MYO1E: variants seen among roughly 807,000 people sequenced by gnomAD.
The protein encoded by MYO1E is myosin IE, also known as unconventional myosin-Ie.
MYO1E carries 68 observed loss-of-function variants against 151.1 expected under a neutral mutation model. That is an observed-to-expected ratio of 0.45 (90% CI 0.37 to 0.55). MYO1E has a LOEUF of 0.55. Ranked by LOEUF, MYO1E falls within the 20% of genes least tolerant of loss-of-function variation. The probability of loss-of-function intolerance (pLI) is 0.00; values close to 1 mark genes in which losing one functional copy is unlikely to be tolerated. For missense variants in MYO1E, 1,363 were observed against 1,389.3 expected, an observed-to-expected ratio of 0.98 and a Z score of 0.30; for synonymous variants, 601 against 501.7, an observed-to-expected ratio of 1.20 and a Z score of -2.64.
intron 1 of MYO1E, among the ~76,000 whole-genome samples, chr15:59,338,927 T>C (rs1161332270): frequency 1.3e-5 from 2 of 151,570 alleles, no homozygotes; most frequent in African/African-American, 4.9e-5. Flanking sequence ...AGGCCAGGAG[T>C]TCAAAACCAG....
In MYO1E at chr15:59,137,077, A is replaced by G; in HGVS notation, c.*303T>C. 2.3e-6 allele frequency: 1 copy of G among 433,868 alleles called. No individual in the cohort carries two copies. The highest frequency in any genetic ancestry group is 2.2e-5 in the South Asian group (1 of 45,754). 26.9% of individuals were successfully genotyped at this position (433,868 alleles called of 1,614,324 possible). A position where few individuals can be genotyped will look rare whatever the true frequency, so the allele number is the denominator to read the frequency against. On this transcript the variant is annotated 3_prime_UTR_variant, in exon 28 of 28. Transcript: ENST00000288235. ...GGTGCTGTTTTGATAGAAGCCTACA[A>G]GGTCTGAGCAGACCTCACTTGTCCT...
chr15:59,165,434 T>G (rs1486342222), intron 22 of MYO1E, among the ~76,000 whole-genome samples: 1 of 152,218 alleles, frequency 6.6e-6, no homozygotes, highest in Non-Finnish European at 1.5e-5. Flanking sequence ...GGTGGAACAC[T>G]TGGTCATTAT....
intron 16 of MYO1E, 37 bp downstream of exon 16, chr15:59,202,289 T>TTA: frequency 6.3e-7 from 1 of 1,580,468 alleles, no homozygotes; most frequent in Non-Finnish European, 8.7e-7. Context: ...GCGCTAGCCC[T>TTA]TATAAGAATC....
At chr15:59,282,724 T>C (rs981596990) in intron 1 of MYO1E, among the ~76,000 whole-genome samples, 3 of 150,166 alleles carry the variant, frequency 2.0e-5, no homozygotes, top group Non-Finnish European at 4.4e-5. Context: ...CACATGCCTG[T>C]GGTCCAGGCT....
At chr15:59,275,094 T>C (rs1189320962) in intron 1 of MYO1E, among the ~76,000 whole-genome samples, 1 of 152,174 alleles carries the variant, frequency 6.6e-6, no homozygotes, top group Non-Finnish European at 1.5e-5. Context: ...GACTAGTAAG[T>C]AGCAAAAGCC....
chr15:59,242,889 A>G (rs1277815241), intron 4 of MYO1E, among the ~76,000 whole-genome samples: 4 of 152,194 alleles, frequency 2.6e-5, no homozygotes, highest in Non-Finnish European at 5.9e-5. Flanking sequence ...ATCCCACAAA[A>G]TTTAATGCCT....
chr15:59,318,616 G>C (rs1380476164), intron 1 of MYO1E, among the ~76,000 whole-genome samples: 2 of 152,170 alleles, frequency 1.3e-5, no homozygotes, highest in African/African-American at 4.8e-5. Flanking sequence ...TTACAAAAGA[G>C]GAAGATGTTT....
At chr15:59,299,818 G>A (rs1300785938) in intron 1 of MYO1E, among the ~76,000 whole-genome samples, 1 of 152,120 alleles carries the variant, frequency 6.6e-6, no homozygotes, top group Non-Finnish European at 1.5e-5. Context: ...AAATTCTGAC[G>A]ATAATTAGCT....
chr15:59,156,191 T>G (rs1351989027), intron 25 of MYO1E, among the ~76,000 whole-genome samples: 1 of 152,102 alleles, frequency 6.6e-6, no homozygotes, highest in African/African-American at 2.4e-5. Flanking sequence ...ATTTTATTAT[T>G]TATTTATTTT....
At chr15:59,141,651 A>G (rs1158126121) in intron 26 of MYO1E, among the ~76,000 whole-genome samples, 2 of 152,138 alleles carry the variant, frequency 1.3e-5, no homozygotes, top group African/African-American at 4.8e-5. Flanking sequence ...TACAGACGGT[A>G]GCTGGGCGTG....
At chr15:59,372,059 C>T (rs1174262810) in intron 1 of MYO1E, among the ~76,000 whole-genome samples, 1 of 149,298 alleles carries the variant, frequency 6.7e-6, no homozygotes, top group Non-Finnish European at 1.5e-5. Flanking sequence ...CGAGGGTGCC[C>T]GGGGCGGGGC....
intron 25 of MYO1E, among the ~76,000 whole-genome samples, chr15:59,156,958 C>CA (rs2079512792): frequency 6.6e-6 from 1 of 152,008 alleles, no homozygotes; most frequent in African/African-American, 2.4e-5. Flanking sequence ...TGCAGTGGCT[C>CA]ACACTTTCAA....
chr15:59,219,617 T>C (rs1169057667), intron 9 of MYO1E, among the ~76,000 whole-genome samples: 3 of 152,222 alleles, frequency 2.0e-5, no homozygotes, highest in African/African-American at 7.2e-5. Flanking sequence ...TTCACAAAAA[T>C]GCTTTGAGCA....
rs1415797933 is a variant in MYO1E, at chr15:59,198,590, C to A, written c.1699-3023G>T. On this transcript the variant is annotated intron_variant, in intron 16 of 27. Coordinates refer to ENST00000288235, the MANE Select transcript of MYO1E (RefSeq NM_004998.4). ...CAGCACTTCGGGAGGCTGAGGCAGG[C>A]GGATCAATTGAAGTCAGGAGTTCGA... Among the ~76,000 whole-genome samples, 6 of 152,046 alleles carry A rather than the reference C, an allele frequency of 3.9e-5. No individual in the cohort carries two copies. The East Asian group carries it at 5.8e-4, about 15-fold the overall frequency.
Position 59,137,410 on chromosome 15 carries a change from C to G in MYO1E, c.3297G>C (p.Leu1099=), listed in dbSNP as rs753237022. Residue 1099 remains leucine, a synonymous_variant, in exon 28 of 28, where the codon CTG becomes CTC. Coordinates refer to ENST00000288235, the MANE Select transcript of MYO1E (RefSeq NM_004998.4). ...TCTTGGTCACATAGTTGTTGGGGAACAGGCCCTGCTTGCCTCGTAGTCGAC... is the reference window on the plus strand; with the variant it reads ...TCTTGGTCACATAGTTGTTGGGGAAGAGGCCCTGCTTGCCTCGTAGTCGAC... ...WTGRLRGKQG[L]FPNNYVTKI is the part of the protein sequence containing the mutation. The G allele has an allele frequency of 1.2e-6, 2 of 1,614,076 alleles. No homozygotes were observed. Among genetic ancestry groups the G allele is most frequent in the Non-Finnish European group, 8.5e-7 (1 of 1,180,042 alleles).
intron 4 of MYO1E, among the ~76,000 whole-genome samples, chr15:59,242,310 CTG>C (rs1483686974): frequency 6.6e-6 from 1 of 152,150 alleles, no homozygotes; most frequent in African/African-American, 2.4e-5. Flanking sequence ...AAAATTCAAA[CTG>C]GGCGTGGAAC....
At chr15:59,260,626 C>A (rs1335948493) in intron 3 of MYO1E, among the ~76,000 whole-genome samples, 1 of 152,088 alleles carries the variant, frequency 6.6e-6, no homozygotes, top group African/African-American at 2.4e-5. Flanking sequence ...TACTATACAA[C>A]TGAAATGGCT....
intron 22 of MYO1E, among the ~76,000 whole-genome samples, chr15:59,163,757 A>T (rs748409952): frequency 6.6e-5 from 10 of 152,226 alleles, no homozygotes; most frequent in Non-Finnish European, 1.3e-4. Context: ...TTGAAGAATC[A>T]TAAGCTCGGT....
rs80008209 is a variant in MYO1E at position 59,154,222 on chromosome 15, G to A, written c.2879-431C>T. Among the ~76,000 whole-genome samples the A allele has an allele frequency of 5.3e-3, 812 of 152,254 alleles. 6 individuals are homozygous for A. Among genetic ancestry groups the A allele is most frequent in the African/African-American group, 0.018 (762 of 41,532 alleles). On this transcript the variant is annotated intron_variant, in intron 25 of 27. Coordinates refer to ENST00000288235, the MANE Select transcript of MYO1E (RefSeq NM_004998.4). Reference sequence around the variant, plus strand: ...AAAATTATGAGATTATGACTCAAGAGGGCTGACAGGCAGCTGCTTAAACAG... The same window carrying A: ...AAAATTATGAGATTATGACTCAAGAAGGCTGACAGGCAGCTGCTTAAACAG...
Sources: gnomAD v4.1 joint callset for allele counts (sites outside exome capture counted in the v4.1 genomes callset) on GRCh38, gnomAD v4.1.1 for gene constraint, MANE v1.5 for transcripts, NCBI Gene and HGNC (gene_info 2026-07-23, HGNC 2026-07-21) for gene names.